NFIB: variants seen among roughly 807,000 people sequenced by gnomAD.
NFIB encodes nuclear factor I B.
NFIB carries 11 observed loss-of-function variants against 61.5 expected under a neutral mutation model. The observed-to-expected ratio is 0.18, with a 90% CI of 0.11 to 0.30. NFIB has a LOEUF of 0.30. NFIB is among the 10% of genes least tolerant of loss of function. NFIB has a pLI of 1.00. For synonymous variants in NFIB, 260 were observed against 216.5 expected (o/e 1.20, Z -1.76); for missense variants, 471 against 608.9 (o/e 0.77, Z 2.38).
At chr9:14,456,783 A>G in the NFIB span, among the ~76,000 whole-genome samples, 2 of 152,214 alleles carry the variant, frequency 1.3e-5, no homozygotes, top group African/African-American at 4.8e-5. Flanking sequence ...ATTTGCCCAT[A>G]TCCGTCAAAA....
At position 14,140,792 on chromosome 9, in the gene NFIB, G is replaced by A. The variant is rs561777667; in HGVS notation, c.925+5897C>T. Among the ~76,000 whole-genome samples the A allele has an allele frequency of 3.3e-5, 5 of 152,182 alleles. No individual in the cohort carries two copies. In the South Asian group the frequency reaches 8.3e-4, roughly 25 times the overall value. On this transcript the variant is annotated intron_variant, in intron 6 of 10. Transcript: ENST00000380953. ...CTACACAAAATTTAAAAATTAGCTG[G>A]GCATGGTGGCAAGTGCCTGTAGTCC...
chr9:14,185,970 G>A (rs750539134), intron 2 of NFIB, among the ~76,000 whole-genome samples: 3 of 152,158 alleles, frequency 2.0e-5, no homozygotes, highest in Non-Finnish European at 4.4e-5. Flanking sequence ...AAGCACTGAG[G>A]CAAGAAAGTT....
At chr9:14,519,286 T>C in the NFIB span, among the ~76,000 whole-genome samples, 1 of 152,102 alleles carries the variant, frequency 6.6e-6, no homozygotes, top group South Asian at 2.1e-4. Flanking sequence ...AGAGAGGAAA[T>C]ATAATGCTAA....
chr9:14,410,193 T>C, the NFIB span, among the ~76,000 whole-genome samples: 3 of 150,742 alleles, frequency 2.0e-5, no homozygotes, highest in East Asian at 5.8e-4. Flanking sequence ...ATACCTACTA[T>C]TTTCCAAAAA....
intron 1 of NFIB, among the ~76,000 whole-genome samples, chr9:14,325,312 A>G (rs1046588491): frequency 1.3e-5 from 2 of 152,124 alleles, no homozygotes; most frequent in Non-Finnish European, 2.9e-5. Context: ...TGCAGGCACA[A>G]TTCATTCCAT....
intron 2 of NFIB, among the ~76,000 whole-genome samples, chr9:14,183,656 C>T (rs1251862945): frequency 6.6e-6 from 1 of 152,070 alleles, no homozygotes; most frequent in African/African-American, 2.4e-5. Context: ...CCGCCTACCT[C>T]GGCCTCCCAA....
intron 1 of NFIB, among the ~76,000 whole-genome samples, chr9:14,363,487 G>A (rs1268304923): frequency 6.6e-6 from 1 of 152,112 alleles, no homozygotes; most frequent in African/African-American, 2.4e-5. Context: ...TAAAGTTGAT[G>A]GATTTGGACT....
intron 8 of NFIB, among the ~76,000 whole-genome samples, chr9:14,119,486 G>A (rs2038632839): frequency 6.9e-6 from 1 of 145,672 alleles, no homozygotes; most frequent in Admixed American, 6.9e-5. Flanking sequence ...AACAAATTAA[G>A]ACCAAAGGGA....
intron 1 of NFIB, chr9:14,362,983 G>A (rs2061257543): frequency 6.6e-6 from 1 of 151,966 alleles, no homozygotes; most frequent in African/African-American, 2.4e-5. Flanking sequence ...TAGCTTAAGG[G>A]CTTCTCCTTT....
the NFIB span, among the ~76,000 whole-genome samples, chr9:14,480,444 G>A: frequency 6.6e-6 from 1 of 152,144 alleles, no homozygotes; most frequent in African/African-American, 2.4e-5. Flanking sequence ...TTTCCTTGAT[G>A]CTAATCTCAA....
At chr9:14,425,177 A>G in the NFIB span, among the ~76,000 whole-genome samples, 2 of 152,216 alleles carry the variant, frequency 1.3e-5, no homozygotes, top group Admixed American at 6.5e-5. Flanking sequence ...CACAGCAGTC[A>G]AGGGCAGATA....
chr9:14,294,502 CTG>C (rs1266178801), intron 2 of NFIB, among the ~76,000 whole-genome samples: 4 of 152,212 alleles, frequency 2.6e-5, no homozygotes, highest in African/African-American at 9.6e-5. Context: ...TGTTTAAAAA[CTG>C]TGGCTGCACT....
the NFIB span, among the ~76,000 whole-genome samples, chr9:14,416,892 C>CTTTTTT: frequency 7.1e-5 from 9 of 126,930 alleles, no homozygotes; most frequent in African/African-American, 3.0e-4. Flanking sequence ...ACTATTTTTA[C>CTTTTTT]TTTTTTTTTT....
At chr9:14,381,343 C>T (rs1035541239) in intron 1 of NFIB, among the ~76,000 whole-genome samples, 10 of 151,928 alleles carry the variant, frequency 6.6e-5, no homozygotes, top group Admixed American at 2.0e-4. Context: ...AGGCATATGC[C>T]ACCATGCCCA....
intron 2 of NFIB, among the ~76,000 whole-genome samples, chr9:14,184,977 C>A (rs1160572774): frequency 6.6e-6 from 1 of 152,056 alleles, no homozygotes; most frequent in East Asian, 1.9e-4. Flanking sequence ...GAGCCAAGAT[C>A]GGCTCATGTA....
upstream of NFIB, among the ~76,000 whole-genome samples, chr9:14,403,022 C>A (rs749118824): frequency 1.2e-4 from 19 of 152,164 alleles, no homozygotes; most frequent in Non-Finnish European, 2.6e-4. Flanking sequence ...TGGACTGGAG[C>A]ATCCAGGCTA....
chr9:14,173,554 G>T (rs533545962), intron 3 of NFIB, among the ~76,000 whole-genome samples: 41 of 152,290 alleles, frequency 2.7e-4, no homozygotes, highest in African/African-American at 9.6e-4. Flanking sequence ...CTAGCCGAGT[G>T]TGATGCATAC....
chr9:14,245,978 C>T (rs1465090919), intron 2 of NFIB, among the ~76,000 whole-genome samples: 1 of 151,808 alleles, frequency 6.6e-6, no homozygotes, highest in Non-Finnish European at 1.5e-5. Flanking sequence ...TGTAAATATC[C>T]ATCACTCTAG....
At chr9:14,351,035 G>A (rs1360526187) in intron 1 of NFIB, among the ~76,000 whole-genome samples, 1 of 152,198 alleles carries the variant, frequency 6.6e-6, no homozygotes, top group African/African-American at 2.4e-5. Context: ...GTTCTGAGTG[G>A]CGTAGGAAAT....
Sources: gnomAD v4.1 joint callset for allele counts (sites outside exome capture counted in the v4.1 genomes callset) on GRCh38, gnomAD v4.1.1 for gene constraint, MANE v1.5 for transcripts, NCBI Gene and HGNC (gene_info 2026-07-23, HGNC 2026-07-21) for gene names.